Variants in NPHS1 observed in about 807,000 individuals in gnomAD.
NPHS1 encodes the protein NPHS1 adhesion molecule, nephrin.
NPHS1 carries 107 observed loss-of-function variants against 139.7 expected under a neutral mutation model. The observed-to-expected ratio is 0.77, with a 90% confidence interval of 0.66 to 0.90. The LOEUF (loss-of-function observed/expected upper bound fraction) is 0.90. Ranked by LOEUF, NPHS1 falls within the 40% of genes least tolerant of loss-of-function variation. The pLI is 0.00. For synonymous variants in NPHS1, 707 were observed against 706.6 expected (o/e 1.00, Z -0.01); for missense variants, 1,580 against 1,654.2 (o/e 0.96, Z 0.78).
At chr19:35,847,664 C>T (rs1052422581) in intron 11 of NPHS1, among the ~76,000 whole-genome samples, 3 of 149,918 alleles carry the variant, frequency 2.0e-5, no homozygotes, top group African/African-American at 7.4e-5. Context: ...CCAAATTTTA[C>T]AGCATTGTTT....
chr19:35,847,754 T>C (rs1380413604), intron 11 of NPHS1, among the ~76,000 whole-genome samples: 1 of 152,022 alleles, frequency 6.6e-6, no homozygotes, highest in Non-Finnish European at 1.5e-5. Flanking sequence ...CACTAGAATT[T>C]TCTTTAATTT....
At position 35,845,606 on chromosome 19, in the gene NPHS1, G is replaced by T. The variant is rs1006196338; in HGVS notation, c.1757+63C>A. 8 of 1,605,294 alleles carry T rather than the reference G, an allele frequency of 5.0e-6. No homozygotes were observed. The highest frequency in any genetic ancestry group is 6.8e-6 in the Non-Finnish European group (8 of 1,175,502). On this transcript the variant is annotated intron_variant, in intron 13 of 28. Coordinates refer to ENST00000378910, the MANE Select transcript of NPHS1 (RefSeq NM_004646.4). This position sits in a 1 kb window ranked among gnomAD's most constrained non-coding sequence, Gnocchi z 5.5. ...GAGGCTGGAGAGGCACTAGGCGGGGGCGGGACATGCGTGGAGGGGGCGAGG... is the reference window on the plus strand; with the variant it reads ...GAGGCTGGAGAGGCACTAGGCGGGGTCGGGACATGCGTGGAGGGGGCGAGG...
At chr19:35,850,474 T>G in intron 4 of NPHS1, 29 bp from the exon 5 acceptor site, 2 of 1,589,158 alleles carry the variant, frequency 1.3e-6, no homozygotes, top group Non-Finnish European at 1.7e-6. Context: ...CTAGAGGGGT[T>G]CCAGGCTCCC....
intron 11 of NPHS1, 58 bp downstream of exon 11, chr19:35,847,983 G>A: frequency 6.4e-7 from 1 of 1,573,894 alleles, no homozygotes; most frequent in Non-Finnish European, 8.7e-7. Context: ...AGGAGAGAAG[G>A]GGCCTGGTCC....
rs192124894 is a variant in NPHS1, at chr19:35,841,621, G to A, written c.2815+94C>T. The A allele has an allele frequency of 1.2e-4, 179 of 1,485,918 alleles. 1 individual carries two copies. The African/African-American group carries it at 2.2e-3, about 19-fold the overall frequency. The allele number at this position is 1,485,918 out of a possible 1,614,324, so 92.0% of individuals were successfully genotyped here. ...TCCTCACACATACACAGAACTTCCG[G>A]TTTCAGAAACATGGGCAGCCCAGGG... On this transcript the variant is annotated intron_variant, in intron 20 of 28. Transcript: ENST00000378910.
At chr19:35,849,445 T>C in intron 6 of NPHS1, 82 bp from the exon 7 acceptor site, 1 of 1,598,928 alleles carries the variant, frequency 6.3e-7, no homozygotes, top group South Asian at 1.1e-5. Context: ...TGAACCCCCA[T>C]GTTTCTCTGA....
chr19:35,843,853 C>A, intron 16 of NPHS1: 9 of 648,948 alleles, frequency 1.4e-5, no homozygotes, highest in Non-Finnish European at 2.4e-5. Flanking sequence ...ATACAGTGGG[C>A]TCTCATTCCT....
At chr19:35,838,844 T>C (rs2146815774) in intron 22 of NPHS1, among the ~76,000 whole-genome samples, 1 of 151,850 alleles carries the variant, frequency 6.6e-6, no homozygotes, top group Admixed American at 6.6e-5. Flanking sequence ...TGAAACTCCA[T>C]CTCAAAAAAA....
rs995851604 is a variant in NPHS1 at position 35,830,514 on chromosome 19, A to C, written c.3594+330T>G. Among the ~76,000 whole-genome samples, 56 of 152,174 alleles carry C rather than the reference A, an allele frequency of 3.7e-4. 1 individual carries two copies. Among genetic ancestry groups the C allele is most frequent in the African/African-American group, 1.4e-3 (56 of 41,426 alleles). ...AGCCTCCAACTCCTGAGCTCAAGGG[A>C]TCCTCCTGGCTCAGCCTCCTGAGTA... On this transcript the variant is annotated intron_variant, in intron 28 of 28. Coordinates refer to ENST00000378910, the MANE Select transcript of NPHS1 (RefSeq NM_004646.4).
chr19:35,851,446 T>G lies in NPHS1; in HGVS notation c.274+11A>C. The G allele has an allele frequency of 6.2e-7, 1 of 1,613,278 alleles. No individual in the cohort carries two copies. The highest frequency in any genetic ancestry group is 8.5e-7 in the Non-Finnish European group (1 of 1,179,850). ...GCTGGTGGCTGAGGGTCTCAGGCTC[T>G]GATCCCTTACCTCTAGCAGGGTCCC... On this transcript the variant is annotated intron_variant, in intron 2 of 28. Coordinates refer to ENST00000378910, the MANE Select transcript of NPHS1 (RefSeq NM_004646.4).
intron 28 of NPHS1, 124 bp from the exon 29 acceptor site, chr19:35,826,769 C>T (rs1972805844): frequency 2.0e-6 from 2 of 1,024,696 alleles, no homozygotes; most frequent in Non-Finnish European, 3.0e-6. Flanking sequence ...TTACTAAAAT[C>T]CCAACATATA....
Position 35,845,622 on chromosome 19 carries a change from G to T in NPHS1, c.1757+47C>A. 5 of 1,608,152 alleles carry T rather than the reference G, an allele frequency of 3.1e-6. No individual in the cohort carries two copies. Among genetic ancestry groups the T allele is most frequent in the East Asian group, 2.2e-5 (1 of 44,632 alleles). The stretch of plus-strand genomic sequence containing the variant: ...TAGGCGGGGGCGGGACATGCGTGGA[G>T]GGGGCGAGGCCAGACCAGAGAGGGG... On this transcript the variant is annotated intron_variant, in intron 13 of 28. Transcript: ENST00000378910. The surrounding 1 kb of genome is among the most constrained non-coding windows in gnomAD (Gnocchi z 5.5).
At chr19:35,833,444 T>G (rs768447327) in intron 23 of NPHS1, among the ~76,000 whole-genome samples, 3 of 152,184 alleles carry the variant, frequency 2.0e-5, no homozygotes, top group Non-Finnish European at 4.4e-5. Flanking sequence ...CATTCCTCTC[T>G]CCACAGTGAT....
rs148221937 is a variant in NPHS1 at position 35,850,301 on chromosome 19, G to C, written c.608+63C>G. 341 of 1,308,592 alleles carry C rather than the reference G, an allele frequency of 2.6e-4. 3 individuals carry two copies. The East Asian group carries it at 7.8e-3, about 30-fold the overall frequency. 81.1% of individuals were successfully genotyped at this position (1,308,592 alleles called of 1,614,324 possible). ...CCAAGCTTCATGCTTGCATCCCTGG[G>C]GTCTGGGGTTCCCATGGGGAAAATT... On this transcript the variant is annotated intron_variant, in intron 5 of 28. Coordinates refer to ENST00000378910, the MANE Select transcript of NPHS1 (RefSeq NM_004646.4).
intron 28 of NPHS1, among the ~76,000 whole-genome samples, chr19:35,827,382 G>T (rs189826507): frequency 3.9e-5 from 6 of 152,138 alleles, no homozygotes; most frequent in Non-Finnish European, 7.4e-5. Flanking sequence ...AGGATCGCTT[G>T]AGCCCCGGAG....
At position 35,826,338 on chromosome 19, in the gene NPHS1, T is replaced by A; in HGVS notation, c.*176A>T. The A allele has an allele frequency of 1.4e-6, 1 of 690,580 alleles. No individual in the cohort carries two copies. Among genetic ancestry groups the A allele is most frequent in the South Asian group, 1.8e-5 (1 of 55,040 alleles). 42.8% of individuals were successfully genotyped at this position (690,580 alleles called of 1,614,324 possible). A position where few individuals can be genotyped will look rare whatever the true frequency, so the allele number is the denominator to read the frequency against. ...CCAACCCCAGGATGCACCTTGTTTC[T>A]ACTCTGGTACCAGCTGAACCATCTC... On this transcript the variant is annotated 3_prime_UTR_variant, in exon 29 of 29. Coordinates refer to ENST00000378910, the MANE Select transcript of NPHS1 (RefSeq NM_004646.4).
chr19:35,833,374 C>T (rs1972909701), intron 23 of NPHS1, among the ~76,000 whole-genome samples: 1 of 152,190 alleles, frequency 6.6e-6, no homozygotes, highest in Non-Finnish European at 1.5e-5. Flanking sequence ...CAATCTCAGT[C>T]TTGGGTTCAG....
In NPHS1 at chr19:35,825,852, AAC is replaced by A. The variant is rs1309482052; in HGVS notation, c.*660_*661del. The stretch of plus-strand genomic sequence containing the variant: ...TTCAGACGTCATGGAATGCAAAATG[AAC>A]AGAGTTTTTCATATGTCTTTCCCCA... On this transcript the variant is annotated 3_prime_UTR_variant, in exon 29 of 29. Transcript: ENST00000378910. 6.6e-6 allele frequency: 1 copy of A among 152,320 alleles called. No homozygotes were observed. Among genetic ancestry groups the A allele is most frequent in the Non-Finnish European group, 1.5e-5 (1 of 68,094 alleles). 9.4% of individuals were successfully genotyped at this position (152,320 alleles called of 1,614,324 possible). A position where few individuals can be genotyped will look rare whatever the true frequency, so the allele number is the denominator to read the frequency against.
Position 35,826,517 on chromosome 19 carries a change from C to A in NPHS1, c.3723G>T (p.Val1241=). ...GACAATGGGGTTGAGAGGGCTCTTACACCAGATGTCCCCTCAGCTCGAAGG... is the reference window on the plus strand; with the variant it reads ...GACAATGGGGTTGAGAGGGCTCTTAAACCAGATGTCCCCTCAGCTCGAAGG... ...SLPFELRGHL[V] is the part of the protein sequence containing the mutation. The change falls in exon 29 of 29, where the codon GTG becomes GTT. Residue 1241 remains valine, a synonymous_variant. Transcript: ENST00000378910. 6.2e-7 allele frequency: 1 copy of A among 1,613,668 alleles called. No individual in the cohort carries two copies. The highest frequency in any genetic ancestry group is 8.5e-7 in the Non-Finnish European group (1 of 1,180,012).
Sources: gnomAD v4.1 joint callset for allele counts (sites outside exome capture counted in the v4.1 genomes callset) on GRCh38, gnomAD v4.1.1 for gene constraint, Gnocchi (gnomAD v3.1) non-coding constraint, MANE v1.5 for transcripts, NCBI Gene and HGNC (gene_info 2026-07-23, HGNC 2026-07-21) for gene names.